LINGO2: variants seen among roughly 807,000 people sequenced by gnomAD.
LINGO2 encodes the protein leucine-rich repeat and immunoglobulin-like domain-containing nogo receptor-interacting protein 2.
Under a neutral mutation model 30.6 loss-of-function variants are expected in LINGO2, and 14 were observed. That is an observed-to-expected ratio of 0.46 (90% confidence interval 0.30 to 0.72). LINGO2 has a LOEUF of 0.72. Among genes scored for constraint, LINGO2 ranks in the 30% least tolerant of loss-of-function variants. LINGO2 has a pLI of 0.07. For missense variants in LINGO2, 729 were observed against 751.7 expected, an observed-to-expected ratio of 0.97 and a Z score of 0.35; for synonymous variants, 317 against 288.5, an observed-to-expected ratio of 1.10 and a Z score of -1.00.
At chr9:28,489,896 C>CAAAA (rs36068240) in intron 1 of LINGO2, among the ~76,000 whole-genome samples, 28 of 66,844 alleles carry the variant, frequency 4.2e-4, no homozygotes, top group Non-Finnish European at 4.7e-4. Flanking sequence ...GACTTTGTCT[C>CAAAA]AAAAAAAAAA....
the LINGO2 span, among the ~76,000 whole-genome samples, chr9:28,723,506 T>C: frequency 6.6e-6 from 1 of 152,100 alleles, no homozygotes; most frequent in African/African-American, 2.4e-5. Flanking sequence ...TATCCCTTAG[T>C]GGGGTACCTT....
At position 28,029,759 on chromosome 9, in the gene LINGO2, T is replaced by C. The variant is rs35594664; in HGVS notation, c.-86-17354A>G. Among the ~76,000 whole-genome samples, 570 of 152,290 alleles carry C rather than the reference T, an allele frequency of 3.7e-3. 1 individual carries two copies. The highest frequency in any genetic ancestry group is 5.9e-3 in the Non-Finnish European group (400 of 68,038). ...TAAATATCATAGGGTGCTGATATTA[T>C]ATAAAATAACATGTGGGAAGTTCTT... On this transcript the variant is annotated intron_variant, in intron 4 of 5. Transcript: ENST00000379992.
chr9:29,213,291 CT>C, the LINGO2 span, among the ~76,000 whole-genome samples: 1 of 152,174 alleles, frequency 6.6e-6, no homozygotes, highest in Admixed American at 6.5e-5. Flanking sequence ...GATAATGCCC[CT>C]CCCCCCTTTC....
At position 27,957,256 on chromosome 9, in the gene LINGO2, T is replaced by C. The variant is rs1819617279; in HGVS notation, c.-35-6550A>G. On this transcript the variant is annotated intron_variant, in intron 5 of 5. Transcript: ENST00000379992. The stretch of plus-strand genomic sequence containing the variant: ...AGATACAGTATGTACAGCTGTACTA[T>C]ATTATACCAGTACGGCTGTCTTGGT... Among the ~76,000 whole-genome samples, 9 of 152,190 alleles carry C rather than the reference T, an allele frequency of 5.9e-5. No individual in the cohort carries two copies. The South Asian group carries it at 1.9e-3, about 32-fold the overall frequency.
At chr9:28,881,944 T>C in the LINGO2 span, among the ~76,000 whole-genome samples, 2 of 152,228 alleles carry the variant, frequency 1.3e-5, no homozygotes, top group South Asian at 2.1e-4. Flanking sequence ...TATTGTCTTT[T>C]CATTTTCAGT....
At chr9:28,673,936 C>T (rs200098411), upstream of LINGO2, among the ~76,000 whole-genome samples, 13 of 151,196 alleles carry the variant, frequency 8.6e-5, no homozygotes, top group East Asian at 2.5e-3. Flanking sequence ...AAAGATACCC[C>T]CAAACCATGT....
intron 4 of LINGO2, among the ~76,000 whole-genome samples, chr9:28,095,407 A>G (rs941221083): frequency 1.3e-5 from 2 of 152,138 alleles, no homozygotes; most frequent in Admixed American, 6.6e-5. Context: ...ATAACGCCGC[A>G]TATCTACAAC....
At chr9:29,115,485 C>A in the LINGO2 span, among the ~76,000 whole-genome samples, 1 of 151,852 alleles carries the variant, frequency 6.6e-6, no homozygotes, top group African/African-American at 2.4e-5. Context: ...ATATGGGGTT[C>A]AGAACATAAT....
At chr9:29,100,085 A>T in the LINGO2 span, among the ~76,000 whole-genome samples, 2 of 152,230 alleles carry the variant, frequency 1.3e-5, no homozygotes, top group Admixed American at 6.5e-5. Context: ...AACAATATGG[A>T]TGGAACTGGA....
chr9:28,150,479 G>A (rs1162279075), intron 4 of LINGO2, among the ~76,000 whole-genome samples: 1 of 152,238 alleles, frequency 6.6e-6, no homozygotes, highest in Non-Finnish European at 1.5e-5. Context: ...AGCTACTCGG[G>A]AGGCTGAGGC....
At chr9:28,987,432 T>C in the LINGO2 span, among the ~76,000 whole-genome samples, 1 of 152,064 alleles carries the variant, frequency 6.6e-6, no homozygotes, top group African/African-American at 2.4e-5. Context: ...GAATCTTCTC[T>C]ATTTTTTCAC....
rs1453019033 is a variant in LINGO2, at chr9:28,104,255, G to GTTTTTTTTTTTTTTTT, written c.-86-91851_-86-91850insAAAAAAAAAAAAAAAA. 1.5e-4 allele frequency among the ~76,000 whole-genome samples: 11 copies of GTTTTTTTTTTTTTTTT among 75,166 alleles called. 1 individual carries two copies. Among genetic ancestry groups the GTTTTTTTTTTTTTTTT allele is most frequent in the Admixed American group, 3.1e-4 (2 of 6,352 alleles). 49.3% of individuals were successfully genotyped at this position (75,166 alleles called of 152,430 possible). On this transcript the variant is annotated intron_variant, in intron 4 of 5. Transcript: ENST00000379992. The stretch of plus-strand genomic sequence containing the variant: ...AGGGATTTGCTTTTCCCCAGTACAA[G>GTTTTTTTTTTTTTTTT]TTTTTTGTTTGTTTTTTTTTTTTTT...
chr9:28,005,921 A>T (rs566946308), intron 5 of LINGO2, among the ~76,000 whole-genome samples: 1 of 152,246 alleles, frequency 6.6e-6, no homozygotes, highest in African/African-American at 2.4e-5. Flanking sequence ...TATTAAAGCC[A>T]TTAATGGATT....
At chr9:28,633,115 G>A (rs895834970) in intron 1 of LINGO2, among the ~76,000 whole-genome samples, 1 of 151,762 alleles carries the variant, frequency 6.6e-6, no homozygotes, top group Admixed American at 6.6e-5. Flanking sequence ...TCCTTTTCAT[G>A]TTTTTCTGCC....
intron 4 of LINGO2, chr9:28,149,240 AG>A: frequency 1.2e-6 from 1 of 852,674 alleles, no homozygotes; most frequent in Non-Finnish European, 1.8e-6. Flanking sequence ...CCTGTAATCA[AG>A]CACTTTGGGA....
At chr9:28,776,360 G>T in the LINGO2 span, among the ~76,000 whole-genome samples, 1 of 152,080 alleles carries the variant, frequency 6.6e-6, no homozygotes, top group African/African-American at 2.4e-5. Context: ...CAGACATTTT[G>T]AATCAAAATA....
At chr9:28,991,912 T>C in the LINGO2 span, among the ~76,000 whole-genome samples, 1 of 151,990 alleles carries the variant, frequency 6.6e-6, no homozygotes, top group Admixed American at 6.6e-5. Flanking sequence ...TGCAAAAGCA[T>C]GCCAAATTGT....
At chr9:28,578,806 C>G (rs891121041) in intron 1 of LINGO2, among the ~76,000 whole-genome samples, 3 of 152,134 alleles carry the variant, frequency 2.0e-5, no homozygotes, top group Non-Finnish European at 4.4e-5. Flanking sequence ...TGAAGGACAA[C>G]ATTCTATTTT....
intron 2 of LINGO2, among the ~76,000 whole-genome samples, chr9:28,412,738 TA>T (rs563853251): frequency 1.1e-3 from 171 of 152,266 alleles, no homozygotes; most frequent in African/African-American, 3.9e-3. Flanking sequence ...AATATGCATT[TA>T]AAATTTAGAT....
Sources: allele counts gnomAD v4.1 joint callset (sites outside exome capture counted in the v4.1 genomes callset), GRCh38; gene constraint gnomAD v4.1.1; transcripts MANE v1.5; gene names NCBI Gene and HGNC (gene_info 2026-07-23, HGNC 2026-07-21).